NRXN3: variants seen among roughly 807,000 people sequenced by gnomAD.
NRXN3 encodes neurexin 3, also known as neurexin III.
Under a neutral mutation model 137.6 loss-of-function variants are expected in NRXN3, and 32 were observed. The observed-to-expected ratio is 0.23, with a 90% CI of 0.18 to 0.31. The LOEUF (loss-of-function observed/expected upper bound fraction) is 0.31. NRXN3 is among the 10% of genes least tolerant of loss of function. The pLI, the probability that NRXN3 is intolerant of heterozygous loss-of-function variation, is 1.00. For missense variants in NRXN3, 1,574 were observed against 2,062.5 expected, an observed-to-expected ratio of 0.76 and a Z score of 4.59; for synonymous variants, 798 against 784.5, an observed-to-expected ratio of 1.02 and a Z score of -0.29.
At chr14:79,604,536 T>C (rs2097975618) in intron 16 of NRXN3, among the ~76,000 whole-genome samples, 1 of 148,194 alleles carries the variant, frequency 6.7e-6, no homozygotes, top group Non-Finnish European at 1.5e-5. Flanking sequence ...CTCCCGGACT[T>C]TTTTTTTTTT....
intron 15 of NRXN3, among the ~76,000 whole-genome samples, chr14:79,066,974 G>T (rs1166000569): frequency 6.6e-6 from 1 of 151,790 alleles, no homozygotes; most frequent in Non-Finnish European, 1.5e-5. Context: ...CTCTTGCCTG[G>T]TTGCCCTGAC....
At chr14:78,563,799 C>T (rs1036284531) in intron 4 of NRXN3, among the ~76,000 whole-genome samples, 24 of 152,126 alleles carry the variant, frequency 1.6e-4, no homozygotes, top group African/African-American at 5.8e-4. Flanking sequence ...ATTCTCAATG[C>T]AAGCAGGTTG....
intron 19 of NRXN3, among the ~76,000 whole-genome samples, chr14:79,746,884 TAAAG>T (rs1044386518): frequency 1.3e-5 from 2 of 152,034 alleles, no homozygotes; most frequent in African/African-American, 2.4e-5. Flanking sequence ...AGTTACTTCT[TAAAG>T]AACTCCTAAA....
intron 8 of NRXN3, among the ~76,000 whole-genome samples, chr14:78,755,763 A>G (rs1374963315): frequency 6.6e-6 from 1 of 152,108 alleles, no homozygotes; most frequent in Non-Finnish European, 1.5e-5. Context: ...TTCCTTCCTT[A>G]CTCAAGCATT....
At chr14:79,307,803 T>TC (rs2086359215) in intron 15 of NRXN3, among the ~76,000 whole-genome samples, 1 of 151,418 alleles carries the variant, frequency 6.6e-6, no homozygotes, top group Non-Finnish European at 1.5e-5. Context: ...TTTATTTTTT[T>TC]TCTCTCTCTC....
At chr14:79,337,918 C>T (rs1196644301) in intron 15 of NRXN3, among the ~76,000 whole-genome samples, 1 of 152,114 alleles carries the variant, frequency 6.6e-6, no homozygotes, top group Non-Finnish European at 1.5e-5. Flanking sequence ...TCTTAAATTT[C>T]TCCTCCCTTC....
chr14:79,510,540 C>G lies in NRXN3; in HGVS notation c.3444+43138C>G, dbSNP rs144045770. Reference sequence around the variant, plus strand: ...CTTTACGTTAACTGAGAAACTGAGGCCAGATAGGAAGACAGATGTGGCCAG... The same window carrying G: ...CTTTACGTTAACTGAGAAACTGAGGGCAGATAGGAAGACAGATGTGGCCAG... On this transcript the variant is annotated intron_variant, in intron 16 of 20. Transcript: ENST00000335750. 2.6e-5 allele frequency among the ~76,000 whole-genome samples: 4 copies of G among 152,186 alleles called. No individual in the cohort carries two copies. In the East Asian group the frequency reaches 7.7e-4, roughly 29 times the overall value.
At chr14:79,779,670 C>T (rs934853594) in intron 19 of NRXN3, among the ~76,000 whole-genome samples, 3 of 152,130 alleles carry the variant, frequency 2.0e-5, no homozygotes, top group Non-Finnish European at 4.4e-5. Context: ...CTCTCTACCC[C>T]CATCCCATCA....
At position 79,785,312 on chromosome 14, in the gene NRXN3, C is replaced by T. The variant is rs545600687; in HGVS notation, c.4015-19800C>T. On this transcript the variant is annotated intron_variant, in intron 19 of 20. Transcript: ENST00000335750. Reference sequence around the variant, plus strand: ...AGGTGGGTTTCCCTGGAGCCACTTACACCTCCTCTCGGTCCTCTTTGCCTC... The same window carrying T: ...AGGTGGGTTTCCCTGGAGCCACTTATACCTCCTCTCGGTCCTCTTTGCCTC... 1.2e-4 allele frequency among the ~76,000 whole-genome samples: 19 copies of T among 152,304 alleles called. No homozygotes were observed. In the South Asian group the frequency reaches 2.7e-3, roughly 22 times the overall value.
intron 10 of NRXN3, among the ~76,000 whole-genome samples, chr14:78,891,344 G>A (rs891585223): frequency 6.6e-6 from 1 of 151,960 alleles, no homozygotes; most frequent in African/African-American, 2.4e-5. Flanking sequence ...TCATGCTCTA[G>A]TAGTGAGCAG....
chr14:79,508,389 G>GTTTTTTTTTTTTTTTTTTTTTT (rs1567328889), intron 16 of NRXN3, among the ~76,000 whole-genome samples: 3 of 12,560 alleles, frequency 2.4e-4, no homozygotes, highest in Admixed American at 8.9e-4. Flanking sequence ...AACAATAACT[G>GTTTTTTTTTTTTTTTTTTTTTT]ATTTTTTTTT....
At chr14:79,421,817 TTC>T (rs2095579773) in intron 15 of NRXN3, among the ~76,000 whole-genome samples, 1 of 152,146 alleles carries the variant, frequency 6.6e-6, no homozygotes, top group South Asian at 2.1e-4. Flanking sequence ...GAAAAAAAAG[TTC>T]TCTCTTTGTC....
chr14:79,697,444 C>T (rs896588021), intron 18 of NRXN3, among the ~76,000 whole-genome samples, 186 bp from the exon 19 acceptor site: 1 of 151,908 alleles, frequency 6.6e-6, no homozygotes, highest in African/African-American at 2.4e-5. Flanking sequence ...TTCAGCTAGA[C>T]AGTGGAAGAG....
chr14:79,204,290 T>C (rs2066481520), intron 15 of NRXN3, among the ~76,000 whole-genome samples: 1 of 151,784 alleles, frequency 6.6e-6, no homozygotes, highest in Admixed American at 6.6e-5. Context: ...CCAGTTATTC[T>C]TTCCAAATGT....
At chr14:78,324,279 GGTACATTCACTGA>G (rs1319247638) in intron 4 of NRXN3, among the ~76,000 whole-genome samples, 1 of 152,048 alleles carries the variant, frequency 6.6e-6, no homozygotes, top group Non-Finnish European at 1.5e-5. Context: ...AAGTGTCTAT[GGTACATTCACTGA>G]GCACCTACTG....
intron 19 of NRXN3, among the ~76,000 whole-genome samples, chr14:79,736,768 A>G (rs1174753690): frequency 6.6e-6 from 1 of 152,154 alleles, no homozygotes; most frequent in Non-Finnish European, 1.5e-5. Context: ...TAATGGGAGT[A>G]CTAGAAGCAA....
At chr14:79,692,407 A>C (rs200554517) in intron 18 of NRXN3, 145 bp downstream of exon 18, 48 of 679,138 alleles carry the variant, frequency 7.1e-5, no homozygotes, top group Non-Finnish European at 7.4e-6. Flanking sequence ...GTCAGCTTCC[A>C]CCTGCCATAT....
intron 4 of NRXN3, among the ~76,000 whole-genome samples, chr14:78,494,794 AC>A (rs979447512): frequency 2.0e-5 from 3 of 152,136 alleles, no homozygotes; most frequent in African/African-American, 7.2e-5. Flanking sequence ...ATTAACACAG[AC>A]TTTTTGTTGT....
rs529941029 is a variant in NRXN3 at position 79,413,383 on chromosome 14, A to T, written c.3263-53838A>T. On this transcript the variant is annotated intron_variant, in intron 15 of 20. Coordinates refer to ENST00000335750, the MANE Select transcript of NRXN3 (RefSeq NM_001330195.2). Reference sequence around the variant, plus strand: ...TCTGTGCTGTTTGGTTGTATTCTTTATTGGATCTGGGATGATATGACTTCT... The same window carrying T: ...TCTGTGCTGTTTGGTTGTATTCTTTTTTGGATCTGGGATGATATGACTTCT... 3.3e-5 allele frequency among the ~76,000 whole-genome samples: 5 copies of T among 152,180 alleles called. No individual in the cohort carries two copies. The East Asian group carries it at 5.8e-4, about 18-fold the overall frequency.
Sources: gnomAD v4.1 joint callset for allele counts (sites outside exome capture counted in the v4.1 genomes callset) on GRCh38, gnomAD v4.1.1 for gene constraint, MANE v1.5 for transcripts, NCBI Gene and HGNC (gene_info 2026-07-23, HGNC 2026-07-21) for gene names.